The following DDX1 variants were observed in gnomAD, a reference collection of about 807,000 sequenced individuals.
DDX1 encodes the protein ATP-dependent RNA helicase DDX1.
DDX1 carries 28 observed loss-of-function variants against 108.7 expected under a neutral mutation model. The ratio of observed to expected loss-of-function variants is 0.26; its 90% confidence interval spans 0.19 to 0.35. The LOEUF (loss-of-function observed/expected upper bound fraction) is 0.35. DDX1 is among the 10% of genes least tolerant of loss of function. The pLI is 1.00. For missense variants in DDX1, 710 were observed against 884.5 expected (o/e 0.80, Z 2.50); for synonymous variants, 295 against 288.9 (o/e 1.02, Z -0.21).
intron 14 of DDX1, among the ~76,000 whole-genome samples, chr2:15,613,639 A>G (rs1371865715): frequency 6.6e-6 from 1 of 152,140 alleles, no homozygotes; most frequent in Non-Finnish European, 1.5e-5. Flanking sequence ...TAGATTGCAG[A>G]GAAGGATAGA....
rs186323415 is a variant in DDX1 at position 15,610,122 on chromosome 2, T to C, written c.956+2809T>C. ...GCTAATTTTATTTTTTGTGGAGACA[T>C]GGTCTTGCTATGTTGTGCAGGCTGG... is the stretch of plus-strand genomic sequence containing the variant. On this transcript the variant is annotated intron_variant, in intron 13 of 25. Transcript: ENST00000233084. Among the ~76,000 whole-genome samples the C allele has an allele frequency of 3.9e-5, 6 of 152,222 alleles. No homozygotes were observed. The East Asian group carries it at 1.2e-3, about 29-fold the overall frequency.
intron 13 of DDX1, among the ~76,000 whole-genome samples, chr2:15,608,667 T>G (rs2148741686): frequency 2.1e-5 from 2 of 96,912 alleles, no homozygotes; most frequent in East Asian, 5.9e-4. Flanking sequence ...TTTTAGGTTT[T>G]TTTTTTTTTT....
chr2:15,612,186 G>A (rs1265992365), intron 13 of DDX1, among the ~76,000 whole-genome samples: 5 of 149,018 alleles, frequency 3.4e-5, no homozygotes, highest in African/African-American at 1.3e-4. Flanking sequence ...CCTGGCGGTG[G>A]GTGACCCCCA....
Position 15,630,056 on chromosome 2 carries a change from C to T in DDX1, c.2038C>T (p.Pro680Ser), listed in dbSNP as rs547598727. ...TCAGGTTGAGCCGGATATAAAGGTACCAGTGGATGAATTTGATGGGAAAGT... is the reference window on the plus strand; with the variant it reads ...TCAGGTTGAGCCGGATATAAAGGTATCAGTGGATGAATTTGATGGGAAAGT... The part of the protein sequence containing the change: ...ISQVEPDIKV[P>S]VDEFDGKVTY... The change falls in exon 25 of 26, where the codon CCA becomes TCA. Residue 680 changes from proline to serine, a missense_variant. Pro to Ser is a moderately conservative substitution (Grantham distance 74). Around this residue, in one of 3 missense-constraint regions of DDX1, gnomAD observed 661 missense variants for 810.2 expected, o/e 0.82. Coordinates refer to ENST00000233084, the MANE Select transcript of DDX1 (RefSeq NM_004939.3). 20 of 1,612,942 alleles carry T rather than the reference C, an allele frequency of 1.2e-5. No individual in the cohort carries two copies. The South Asian group carries it at 2.0e-4, about 16-fold the overall frequency.
intron 13 of DDX1, among the ~76,000 whole-genome samples, chr2:15,611,326 T>TC (rs58828326): frequency 0.24 from 35,692 of 151,018 alleles, 5,121 homozygotes; most frequent in African/African-American, 0.41. Context: ...CCCACTCTTT[T>TC]CCCCACCTCT....
chr2:15,630,076 GA>G lies in DDX1; in HGVS notation c.2061del (p.Val688LeufsTer59). ...AGGTACCAGTGGATGAATTTGATGG[GA>G]AAGTTACCTACGGTCAGAAAAGGGC... ...IKVPVDEFDG[K>X]VTYGQKRAAG... is the part of the protein sequence containing the mutation. On this transcript the variant is annotated frameshift_variant, in exon 25 of 26. Coordinates refer to ENST00000233084, the MANE Select transcript of DDX1 (RefSeq NM_004939.3). LOFTEE classifies it high-confidence loss of function. The G allele has an allele frequency of 6.2e-7, 1 of 1,613,660 alleles. No individual in the cohort carries two copies. Among genetic ancestry groups the G allele is most frequent in the Non-Finnish European group, 8.5e-7 (1 of 1,179,768 alleles).
rs1484616130 is a variant in DDX1, at chr2:15,599,629, A to G, written c.260-40A>G. 1.4e-5 allele frequency: 22 copies of G among 1,524,244 alleles called. No homozygotes were observed. In the East Asian group the frequency reaches 4.9e-4, roughly 34 times the overall value. The allele number at this position is 1,524,244 out of a possible 1,614,324, so 94.4% of individuals were successfully genotyped here. ...CACCCGGCCAAGCATTTTAAATTTT[A>G]TATATCTGTGGGTAACTTTTCTTAT... On this transcript the variant is annotated intron_variant, in intron 5 of 25. Coordinates refer to ENST00000233084, the MANE Select transcript of DDX1 (RefSeq NM_004939.3).
At chr2:15,608,667 T>TGG (rs1553341677) in intron 13 of DDX1, among the ~76,000 whole-genome samples, 3 of 96,868 alleles carry the variant, frequency 3.1e-5, no homozygotes, top group Non-Finnish European at 5.8e-5. Flanking sequence ...TTTTAGGTTT[T>TGG]TTTTTTTTTT....
intron 13 of DDX1, among the ~76,000 whole-genome samples, chr2:15,608,664 T>G (rs1301187598): frequency 2.5e-5 from 1 of 40,420 alleles, no homozygotes; most frequent in East Asian, 9.0e-4. Flanking sequence ...TTTTTTTAGG[T>G]TTTTTTTTTT....
In DDX1 at chr2:15,594,097, A is replaced by G. The variant is rs373165142; in HGVS notation, c.17-1048A>G. On this transcript the variant is annotated intron_variant, in intron 1 of 25. Transcript: ENST00000233084. The stretch of plus-strand genomic sequence containing the variant: ...TCTCAAAAAAAAACAAAAGAAAAGA[A>G]AAAAAAGAAAAAGAGTTAGGAGAGC... Among the ~76,000 whole-genome samples the G allele has an allele frequency of 9.9e-5, 15 of 152,084 alleles. No homozygotes were observed. The East Asian group carries it at 2.1e-3, about 22-fold the overall frequency.
At position 15,611,138 on chromosome 2, in the gene DDX1, C is replaced by T. The variant is rs1382026968; in HGVS notation, c.957-2086C>T. Among the ~76,000 whole-genome samples the T allele has an allele frequency of 5.4e-5, 8 of 148,608 alleles. No individual in the cohort carries two copies. The South Asian group carries it at 8.8e-4, about 16-fold the overall frequency. ...CTGTTTAACAAAGCACATCTTGCAC[C>T]GCCCTTAATCCATTTAACCCTGAGT... is the stretch of plus-strand genomic sequence containing the variant. On this transcript the variant is annotated intron_variant, in intron 13 of 25. Transcript: ENST00000233084.
At chr2:15,630,389 A>G (rs576350446) in intron 25 of DDX1, among the ~76,000 whole-genome samples, 52 of 152,300 alleles carry the variant, frequency 3.4e-4, no homozygotes, top group Admixed American at 3.4e-3. Flanking sequence ...ATTAGTAGGA[A>G]ACAAGAGCAT....
rs1182551279 is a variant in DDX1, at chr2:15,611,472, C to CG, written c.957-1752_957-1751insG. Among the ~76,000 whole-genome samples, 153 of 145,792 alleles carry CG rather than the reference C, an allele frequency of 1.0e-3. 1 individual carries two copies. Among genetic ancestry groups the CG allele is most frequent in the African/African-American group, 3.8e-3 (145 of 37,968 alleles). On this transcript the variant is annotated intron_variant, in intron 13 of 25. Coordinates refer to ENST00000233084, the MANE Select transcript of DDX1 (RefSeq NM_004939.3). ...CCCAGTAGGGACGGCCGGGCAGAGG[C>CG]TCCCCCCACCTCCCGGACGGGGCGG...
intron 18 of DDX1, among the ~76,000 whole-genome samples, chr2:15,622,573 A>G (rs936182319): frequency 6.6e-6 from 1 of 152,216 alleles, no homozygotes; most frequent in Non-Finnish European, 1.5e-5. Context: ...AATTTCAACT[A>G]TATCAAAATG....
chr2:15,615,403 T>G (rs1172877052), intron 14 of DDX1, among the ~76,000 whole-genome samples: 1 of 152,230 alleles, frequency 6.6e-6, no homozygotes, highest in African/African-American at 2.4e-5. Flanking sequence ...GTTAGAATAC[T>G]GTACTAAACT....
At chr2:15,616,454 A>G (rs1480124665) in intron 14 of DDX1, among the ~76,000 whole-genome samples, 1 of 152,192 alleles carries the variant, frequency 6.6e-6, no homozygotes, top group Non-Finnish European at 1.5e-5. Flanking sequence ...CACCATACCT[A>G]TGGACTTGAC....
chr2:15,629,845 A>G, intron 24 of DDX1, 145 bp from the exon 25 acceptor site: 1 of 1,036,704 alleles, frequency 9.6e-7, no homozygotes, highest in Non-Finnish European at 1.4e-6. Flanking sequence ...CACTTTGCTA[A>G]TTGTAAGTTG....
At chr2:15,611,820 G>A (rs1665769865) in intron 13 of DDX1, among the ~76,000 whole-genome samples, 1 of 108,568 alleles carries the variant, frequency 9.2e-6, no homozygotes, top group Non-Finnish European at 1.8e-5. Flanking sequence ...GGACGGGGCG[G>A]CTGGCCGGGC....
chr2:15,610,080 AAGTGCCAC>A (rs1438405239), intron 13 of DDX1, among the ~76,000 whole-genome samples: 1 of 152,106 alleles, frequency 6.6e-6, no homozygotes, highest in African/African-American at 2.4e-5. Flanking sequence ...GACTGCAAGC[AAGTGCCAC>A]AGTGCTTGGC....
Sources: gnomAD v4.1 joint callset for allele counts (sites outside exome capture counted in the v4.1 genomes callset) on GRCh38, gnomAD v4.1.1 for gene constraint, gnomAD v4.1.1 regional missense constraint, MANE v1.5 for transcripts, NCBI Gene and HGNC (gene_info 2026-07-23, HGNC 2026-07-21) for gene names.